Variants in ITGB8 observed in about 807,000 individuals in gnomAD.
ITGB8 encodes integrin subunit beta 8, also known as integrin beta-8.
In ITGB8, 30 loss-of-function variants were observed where a neutral mutation model predicts 89.5. The observed-to-expected ratio is 0.34, with a 90% confidence interval of 0.25 to 0.45. The LOEUF is 0.45. ITGB8 is among the 20% of genes least tolerant of loss of function. ITGB8 has a pLI of 1.00. For synonymous variants in ITGB8, 335 were observed against 320.4 expected (o/e 1.05, Z -0.49); for missense variants, 836 against 933.3 (o/e 0.90, Z 1.36).
In ITGB8 at chr7:20,406,076, G is replaced by T. The variant is rs1787529536; in HGVS notation, c.1928G>T (p.Cys643Phe). The T allele has an allele frequency of 6.2e-7, 1 of 1,600,352 alleles. No homozygotes were observed. The highest frequency in any genetic ancestry group is 1.3e-5 in the African/African-American group (1 of 74,646). The change falls in exon 12 of 14, where the codon TGC (cysteine) becomes TTC (phenylalanine). Residue 643 changes from cysteine (C) to phenylalanine (F), a missense_variant. By Grantham distance (205) the Cys-to-Phe change is radical. This residue lies in a region of ITGB8 where 422 missense variants were observed against 416.9 expected (regional missense o/e 1.01). Transcript: ENST00000222573. ...ACKENWNCMQ[C>F]LHPHNLSQAI... is the part of the protein sequence containing the mutation. ...TCCCCTTGCAGGAATTGTATGCAAT[G>T]CCTTCACCCTCACAATTTGTCTCAG... is the stretch of plus-strand genomic sequence containing the variant.
At chr7:20,361,795 A>G (rs1460441614) in intron 1 of ITGB8, among the ~76,000 whole-genome samples, 1 of 152,162 alleles carries the variant, frequency 6.6e-6, no homozygotes, top group Non-Finnish European at 1.5e-5. Flanking sequence ...CAGATGGAAA[A>G]TTTTTAGGCT....
At chr7:20,330,341 T>C (rs780491962), upstream of ITGB8, among the ~76,000 whole-genome samples, 18 of 152,128 alleles carry the variant, frequency 1.2e-4, no homozygotes, top group African/African-American at 1.9e-4. Flanking sequence ...GTCCCTTGAC[T>C]CCACTTTGTA....
At chr7:20,391,733 T>C (rs1030254839) in intron 7 of ITGB8, among the ~76,000 whole-genome samples, 2 of 152,212 alleles carry the variant, frequency 1.3e-5, no homozygotes, top group Non-Finnish European at 2.9e-5. Context: ...TTGTATTGGA[T>C]ACACTTGAGT....
intron 6 of ITGB8, among the ~76,000 whole-genome samples, chr7:20,390,087 C>T (rs897291294): frequency 8.5e-5 from 13 of 152,208 alleles, no homozygotes; most frequent in African/African-American, 3.1e-4. Context: ...GCCCTTTTAC[C>T]AAGTTCACAT....
chr7:20,403,363 A>C (rs1787391180), intron 10 of ITGB8, among the ~76,000 whole-genome samples: 1 of 152,206 alleles, frequency 6.6e-6, no homozygotes, highest in Admixed American at 6.5e-5. Flanking sequence ...AATACATTTG[A>C]GTATTTGTCC....
chr7:20,382,364 C>T (rs1046173393), intron 6 of ITGB8, among the ~76,000 whole-genome samples: 4 of 152,088 alleles, frequency 2.6e-5, no homozygotes, highest in African/African-American at 4.8e-5. Context: ...TTGTACTTTA[C>T]CTCTCTGCAT....
intron 1 of ITGB8, among the ~76,000 whole-genome samples, chr7:20,362,151 A>G (rs2127941399): frequency 6.6e-6 from 1 of 152,292 alleles, no homozygotes; most frequent in South Asian, 2.1e-4. Flanking sequence ...CTCTTCTCCT[A>G]CTACCTTCCC....
At chr7:20,400,537 C>T (rs1787265779) in intron 9 of ITGB8, among the ~76,000 whole-genome samples, 1 of 152,082 alleles carries the variant, frequency 6.6e-6, no homozygotes, top group Non-Finnish European at 1.5e-5. Context: ...CCAAAAAGCT[C>T]AGCGCAAATT....
chr7:20,381,408 C>T (rs6944320), intron 5 of ITGB8: 26,034 of 172,744 alleles, frequency 0.15, 2,403 homozygotes, highest in East Asian at 0.39. Context: ...GTGATCCGCC[C>T]GCCTCGGCCT....
chr7:20,389,380 C>G (rs1786763416), intron 6 of ITGB8, among the ~76,000 whole-genome samples: 1 of 152,116 alleles, frequency 6.6e-6, no homozygotes, highest in African/African-American at 2.4e-5. Context: ...ATGACCACGA[C>G]TGATCTTCTT....
At chr7:20,332,418 A>G (rs1298882825) in intron 1 of ITGB8, among the ~76,000 whole-genome samples, 2 of 152,198 alleles carry the variant, frequency 1.3e-5, no homozygotes, top group African/African-American at 4.8e-5. Context: ...AGTTTCTGCT[A>G]TCATTAGTGC....
chr7:20,397,063 A>G (rs1006061129), intron 8 of ITGB8, among the ~76,000 whole-genome samples: 2 of 152,206 alleles, frequency 1.3e-5, no homozygotes, highest in African/African-American at 4.8e-5. Context: ...TTGAAGAATT[A>G]TATAGAATCT....
Position 20,331,361 on chromosome 7 carries a change from A to G in ITGB8, c.-446A>G, listed in dbSNP as rs1784383862. The G allele has an allele frequency of 7.6e-6, 3 of 396,844 alleles. No homozygotes were observed. The highest frequency in any genetic ancestry group is 2.8e-4 in the South Asian group (2 of 7,176). The allele number at this position is 396,844 out of a possible 1,614,324, so 24.6% of individuals were successfully genotyped here. ...ATCCAGCATCACCCAGTGAATGTAC[A>G]TTAGGGTGGTTTCCCCCCCAGCTTC... On this transcript the variant is annotated 5_prime_UTR_variant, in exon 1 of 14. Transcript: ENST00000222573.
intron 11 of ITGB8, among the ~76,000 whole-genome samples, chr7:20,405,489 T>TG (rs1202290132): frequency 4.6e-5 from 7 of 150,728 alleles, no homozygotes; most frequent in African/African-American, 1.7e-4. Context: ...TTTTTTTTTT[T>TG]TTGTATTTTT....
chr7:20,349,110 G>A (rs574648317), intron 1 of ITGB8, among the ~76,000 whole-genome samples: 7 of 152,022 alleles, frequency 4.6e-5, no homozygotes, highest in Admixed American at 2.0e-4. Context: ...AAAGTATTAC[G>A]GAAGATTATC....
intron 6 of ITGB8, among the ~76,000 whole-genome samples, chr7:20,385,577 C>T (rs1282682039): frequency 1.3e-5 from 2 of 152,200 alleles, no homozygotes; most frequent in African/African-American, 4.8e-5. Flanking sequence ...TGCAGAAGGC[C>T]TATCAGGCAT....
chr7:20,353,322 A>C (rs1389016510), intron 1 of ITGB8: 1 of 152,226 alleles, frequency 6.6e-6, no homozygotes, highest in African/African-American at 2.4e-5. Flanking sequence ...TCCCTGAAAC[A>C]TAAAGATTAT....
chr7:20,405,652 T>C lies in ITGB8; in HGVS notation c.1914-410T>C, dbSNP rs530359142. Among the ~76,000 whole-genome samples the C allele has an allele frequency of 7.2e-5, 11 of 152,180 alleles. No homozygotes were observed. The South Asian group carries it at 2.3e-3, about 32-fold the overall frequency. ...ATATTTTAATGATAAAGAACAATGG[T>C]GTCTGTGACACACCCTAGAAATAAG... On this transcript the variant is annotated intron_variant, in intron 11 of 13. Coordinates refer to ENST00000222573, the MANE Select transcript of ITGB8 (RefSeq NM_002214.3).
rs3807953 is a variant in ITGB8, at chr7:20,403,201, A to T, written c.1687+1075A>T. On this transcript the variant is annotated intron_variant, in intron 10 of 13. Transcript: ENST00000222573. ...ACAAACATTTATTCAACTGTAACTGACATCATGGGTAGGATGGATTATAGA... is the reference window on the plus strand; with the variant it reads ...ACAAACATTTATTCAACTGTAACTGTCATCATGGGTAGGATGGATTATAGA... 4.8e-3 allele frequency among the ~76,000 whole-genome samples: 734 copies of T among 152,316 alleles called. 16 individuals are homozygous for T. The highest frequency in any genetic ancestry group is 0.042 in the East Asian group (218 of 5,182).
Sources: allele counts gnomAD v4.1 joint callset (sites outside exome capture counted in the v4.1 genomes callset), GRCh38; gene constraint gnomAD v4.1.1; regional missense constraint gnomAD v4.1.1; transcripts MANE v1.5; gene names NCBI Gene and HGNC (gene_info 2026-07-23, HGNC 2026-07-21).